SYT9: variants seen among roughly 807,000 people sequenced by gnomAD.
SYT9 encodes the protein synaptotagmin 9.
In SYT9, 22 loss-of-function variants were observed where a neutral mutation model predicts 48.4. The observed-to-expected ratio is 0.45, with a 90% CI of 0.32 to 0.65. The LOEUF (loss-of-function observed/expected upper bound fraction) is 0.65, where lower values mean the gene tolerates loss of function less well. Among genes scored for constraint, SYT9 ranks in the 30% least tolerant of loss-of-function variants. SYT9 has a pLI of 0.03. For missense variants in SYT9, 577 were observed against 622.0 expected, an observed-to-expected ratio of 0.93 and a Z score of 0.77; for synonymous variants, 265 against 245.0, an observed-to-expected ratio of 1.08 and a Z score of -0.76.
chr11:7,351,211 A>G (rs74664473), intron 3 of SYT9, among the ~76,000 whole-genome samples: 3,775 of 152,316 alleles, frequency 0.025, 118 homozygotes, highest in African/African-American at 0.067. Context: ...AGAAACTGAA[A>G]GCCCAGTAAT....
At position 7,292,745 on chromosome 11, in the gene SYT9, A is replaced by G. The variant is rs1488419500; in HGVS notation, c.146-10294A>G. 2.0e-5 allele frequency among the ~76,000 whole-genome samples: 3 copies of G among 152,322 alleles called. 1 individual carries two copies. The highest frequency in any genetic ancestry group is 4.1e-4 in the South Asian group (2 of 4,830). On this transcript the variant is annotated intron_variant, in intron 1 of 6. Transcript: ENST00000318881. Reference sequence around the variant, plus strand: ...AATCCTAGCACATCTGAGTGTTTCCATTTACACTGCACAGGCCAGAATCCA... The same window carrying G: ...AATCCTAGCACATCTGAGTGTTTCCGTTTACACTGCACAGGCCAGAATCCA...
At chr11:7,276,983 A>G (rs1191676727) in intron 1 of SYT9, among the ~76,000 whole-genome samples, 2 of 151,952 alleles carry the variant, frequency 1.3e-5, no homozygotes, top group Non-Finnish European at 2.9e-5. Flanking sequence ...GAACCTGGGA[A>G]GTGGAGGTTG....
chr11:7,252,397 G>C lies in SYT9; in HGVS notation c.145+66G>C. 7.4e-7 allele frequency: 1 copy of C among 1,354,016 alleles called. No homozygotes were observed. Among genetic ancestry groups the C allele is most frequent in the Non-Finnish European group, 9.5e-7 (1 of 1,052,764 alleles). 83.9% of individuals were successfully genotyped at this position (1,354,016 alleles called of 1,614,324 possible). ...TGGGCTGGGACTTGGGGCCGCACCG[G>C]GGCCTGAGGCAGAACAGCGACGCGG... On this transcript the variant is annotated intron_variant, in intron 1 of 6. Transcript: ENST00000318881. The surrounding 1 kb of genome is among the most constrained non-coding windows in gnomAD (Gnocchi z 6.3).
At chr11:7,415,106 A>G (rs2881553) in intron 3 of SYT9, among the ~76,000 whole-genome samples, 49,411 of 151,806 alleles carry the variant, frequency 0.33, 8,486 homozygotes, top group African/African-American at 0.46. Context: ...AGTGGAGGGA[A>G]ATGGGGAGTC....
At position 7,313,500 on chromosome 11, in the gene SYT9, G is replaced by A. The variant is rs1019160708; in HGVS notation, c.603G>A (p.Glu201=). 1 of 1,614,154 alleles carries A rather than the reference G, an allele frequency of 6.2e-7. No homozygotes were observed. Among genetic ancestry groups the A allele is most frequent in the Non-Finnish European group, 8.5e-7 (1 of 1,180,006 alleles). Residue 201 remains glutamate, a synonymous_variant, in exon 3 of 7, where the codon GAG becomes GAA. Transcript: ENST00000318881. ...QLTGIGRIKP[E]LYKQRSLDND... ...CTGGAATTGGTAGAATTAAACCAGA[G>A]TTATATAAGCAGAGGTCATTGGATA...
chr11:7,443,168 C>T (rs1392918569), intron 6 of SYT9, among the ~76,000 whole-genome samples: 1 of 152,172 alleles, frequency 6.6e-6, no homozygotes, highest in East Asian at 1.9e-4. Context: ...ATCCCCTGGC[C>T]TCCCCTTTGG....
At chr11:7,457,528 T>A (rs1848169800) in intron 6 of SYT9, 1 of 152,234 alleles carries the variant, frequency 6.6e-6, no homozygotes, top group African/African-American at 2.4e-5. Flanking sequence ...ATTTCTTCTA[T>A]CTTACAACTT....
intron 1 of SYT9, among the ~76,000 whole-genome samples, chr11:7,270,954 CGAAG>C (rs759911027): frequency 1.9e-4 from 29 of 151,682 alleles, no homozygotes; most frequent in Non-Finnish European, 3.2e-4. Flanking sequence ...GTGAGAAAGA[CGAAG>C]GAAGACTGCA....
chr11:7,454,101 C>T (rs779579526), intron 6 of SYT9: 2 of 985,394 alleles, frequency 2.0e-6, no homozygotes, highest in Non-Finnish European at 2.4e-6. Context: ...CATTGCTGCT[C>T]CCCAGTCACT....
chr11:7,453,598 A>C (rs1262057512), intron 6 of SYT9, among the ~76,000 whole-genome samples: 1 of 152,234 alleles, frequency 6.6e-6, no homozygotes, highest in Non-Finnish European at 1.5e-5. Flanking sequence ...GACGATGCAA[A>C]TACAAAGGCA....
At chr11:7,402,796 C>G (rs1028465092) in intron 3 of SYT9, among the ~76,000 whole-genome samples, 1 of 152,148 alleles carries the variant, frequency 6.6e-6, no homozygotes, top group Non-Finnish European at 1.5e-5. Flanking sequence ...TCTCTTCTTT[C>G]AACTGAAGTT....
chr11:7,404,285 C>T (rs949764324), intron 3 of SYT9, among the ~76,000 whole-genome samples: 3 of 152,140 alleles, frequency 2.0e-5, no homozygotes, highest in Non-Finnish European at 4.4e-5. Context: ...AGACCATTCA[C>T]ATTTAAGTAA....
Position 7,252,254 on chromosome 11 carries a change from G to T in SYT9, c.68G>T (p.Gly23Val). ...LQLLAELCAR[G>V]ALEHDSCQDF... ...CTGCTGGCCGAGCTCTGTGCCCGTG[G>T]GGCCCTGGAGCACGACAGCTGCCAG... is the stretch of plus-strand genomic sequence containing the variant. The change falls in exon 1 of 7, where the codon GGG becomes GTG. Residue 23 changes from glycine (G) to valine (V), a missense_variant. By Grantham distance (109) the Gly-to-Val change is moderately radical (BLOSUM62 -3). Coordinates refer to ENST00000318881, the MANE Select transcript of SYT9 (RefSeq NM_175733.4). The surrounding 1 kb of genome is among the most constrained non-coding windows in gnomAD (Gnocchi z 6.3). 6.6e-7 allele frequency: 1 copy of T among 1,506,644 alleles called. No homozygotes were observed. The highest frequency in any genetic ancestry group is 8.9e-7 in the Non-Finnish European group (1 of 1,127,888). 93.3% of individuals were successfully genotyped at this position (1,506,644 alleles called of 1,614,324 possible). A position where few individuals can be genotyped will look rare whatever the true frequency, so the allele number is the denominator to read the frequency against.
chr11:7,312,456 A>G (rs1849155459), intron 2 of SYT9, among the ~76,000 whole-genome samples: 6 of 152,210 alleles, frequency 3.9e-5, no homozygotes. Context: ...CTAAACTCTG[A>G]GCTAAAAACA....
At chr11:7,298,905 T>C (rs991403041) in intron 1 of SYT9, among the ~76,000 whole-genome samples, 8 of 152,152 alleles carry the variant, frequency 5.3e-5, no homozygotes, top group Non-Finnish European at 1.2e-4. Flanking sequence ...TATAGTTTTA[T>C]GCACGGTCAC....
chr11:7,407,306 T>G (rs1416205806), intron 3 of SYT9, among the ~76,000 whole-genome samples: 8 of 151,822 alleles, frequency 5.3e-5, no homozygotes, highest in Non-Finnish European at 1.0e-4. Flanking sequence ...CTTGAAATGT[T>G]TTCTCCATTT....
intron 1 of SYT9, among the ~76,000 whole-genome samples, chr11:7,287,220 A>G (rs114769876): frequency 0.018 from 2,684 of 152,302 alleles, 69 homozygotes; most frequent in African/African-American, 0.062. Flanking sequence ...AGCAGCAAGA[A>G]GTGCAGAGTG....
intron 3 of SYT9, among the ~76,000 whole-genome samples, chr11:7,336,857 T>C (rs2133985044): frequency 6.6e-6 from 1 of 152,324 alleles, no homozygotes; most frequent in South Asian, 2.1e-4. Flanking sequence ...CATATGAATT[T>C]TAAAATAGTT....
chr11:7,264,347 G>T (rs544059113), intron 1 of SYT9, among the ~76,000 whole-genome samples: 1 of 152,146 alleles, frequency 6.6e-6, no homozygotes, highest in Admixed American at 6.5e-5. Flanking sequence ...CAGCATAGGT[G>T]TGTGTGTTTC....
Sources: gnomAD v4.1 joint callset for allele counts (sites outside exome capture counted in the v4.1 genomes callset) on GRCh38, gnomAD v4.1.1 for gene constraint, Gnocchi (gnomAD v3.1) non-coding constraint, MANE v1.5 for transcripts, NCBI Gene and HGNC (gene_info 2026-07-23, HGNC 2026-07-21) for gene names.